The following RAPGEF5 variants were observed in gnomAD, a reference collection of about 807,000 sequenced individuals.
The protein encoded by RAPGEF5 is M-Ras-regulated GEF.
In RAPGEF5, 65 loss-of-function variants were observed where a neutral mutation model predicts 125.2. The ratio of observed to expected loss-of-function variants is 0.52; its 90% confidence interval spans 0.43 to 0.64. RAPGEF5 has a LOEUF of 0.64. Among genes scored for constraint, RAPGEF5 ranks in the 30% least tolerant of loss-of-function variants. RAPGEF5 has a pLI of 0.00. For synonymous variants in RAPGEF5, 391 were observed against 385.9 expected, an observed-to-expected ratio of 1.01 and a Z score of -0.16; for missense variants, 958 against 1,048.1, an observed-to-expected ratio of 0.91 and a Z score of 1.19.
chr7:22,230,973 A>G, intron 7 of RAPGEF5, 54 bp from the exon 8 acceptor site: 1 of 1,501,458 alleles, frequency 6.7e-7, no homozygotes, highest in South Asian at 1.2e-5. Flanking sequence ...AAAATGCTTC[A>G]GATAATTTTC....
chr7:22,338,451 T>C (rs992304145), intron 1 of RAPGEF5, among the ~76,000 whole-genome samples: 1 of 152,220 alleles, frequency 6.6e-6, no homozygotes, highest in Non-Finnish European at 1.5e-5. Flanking sequence ...ATTTGTAAAA[T>C]TTTATAAAAC....
chr7:22,281,708 C>A (rs1003548112), intron 6 of RAPGEF5, among the ~76,000 whole-genome samples: 2 of 152,180 alleles, frequency 1.3e-5, no homozygotes, highest in Non-Finnish European at 2.9e-5. Flanking sequence ...TTCAATGAAA[C>A]CAAGATAGCC....
chr7:22,344,093 C>T (rs777334020), intron 1 of RAPGEF5, among the ~76,000 whole-genome samples: 30 of 152,200 alleles, frequency 2.0e-4, no homozygotes, highest in Admixed American at 1.7e-3. Context: ...GGACCCTCTA[C>T]GGTGAAGCCC....
intron 12 of RAPGEF5, among the ~76,000 whole-genome samples, chr7:22,166,068 ACATATATATGTATCATATATATATATAT>A: frequency 6.8e-6 from 1 of 146,682 alleles, no homozygotes; most frequent in Non-Finnish European, 1.5e-5. Flanking sequence ...TATATTATAT[ACATATATATGTATCATATATATATATAT>A]CATATATATA....
intron 1 of RAPGEF5, among the ~76,000 whole-genome samples, chr7:22,349,540 A>C (rs1020250468): frequency 1.3e-5 from 2 of 152,170 alleles, no homozygotes; most frequent in African/African-American, 2.4e-5. Context: ...AAAATATTTA[A>C]GGTGATCAAT....
Position 22,336,069 on chromosome 7 carries a change from C to T in RAPGEF5, c.232-18032G>A, listed in dbSNP as rs192060284. On this transcript the variant is annotated intron_variant, in intron 1 of 25. Transcript: ENST00000665637. Reference sequence around the variant, plus strand: ...CCCTTCCTTCCCAACGCCCAGACTTCTTATTCCCAATGCCTCCATCTTAGA... The same window carrying T: ...CCCTTCCTTCCCAACGCCCAGACTTTTTATTCCCAATGCCTCCATCTTAGA... Among the ~76,000 whole-genome samples, 85 of 152,300 alleles carry T rather than the reference C, an allele frequency of 5.6e-4. No homozygotes were observed. The South Asian group carries it at 7.3e-3, about 13-fold the overall frequency.
intron 11 of RAPGEF5, among the ~76,000 whole-genome samples, chr7:22,174,302 G>A (rs1219442072): frequency 1.3e-5 from 2 of 152,188 alleles, no homozygotes; most frequent in African/African-American, 2.4e-5. Flanking sequence ...GCAAAGCAAC[G>A]GATGTGGGTG....
At chr7:22,251,044 T>C (rs796345165) in intron 7 of RAPGEF5, among the ~76,000 whole-genome samples, 76 of 152,266 alleles carry the variant, frequency 5.0e-4, no homozygotes, top group African/African-American at 1.8e-3. Context: ...GAATAGCATA[T>C]GGCAAGGATT....
chr7:22,275,694 A>G (rs1782539009), intron 6 of RAPGEF5, among the ~76,000 whole-genome samples: 1 of 149,034 alleles, frequency 6.7e-6, no homozygotes, highest in Admixed American at 6.7e-5. Context: ...AAAGAGAACA[A>G]GCATGTTCTC....
At chr7:22,136,594 G>C (rs1340251308) in intron 22 of RAPGEF5, among the ~76,000 whole-genome samples, 1 of 151,978 alleles carries the variant, frequency 6.6e-6, no homozygotes, top group Admixed American at 6.6e-5. Context: ...TTGTAAAAAG[G>C]AGAAAAGGGA....
intron 17 of RAPGEF5, 148 bp from the exon 18 acceptor site, chr7:22,150,652 G>T: frequency 8.7e-7 from 1 of 1,155,576 alleles, no homozygotes; most frequent in Non-Finnish European, 1.1e-6. Context: ...ATTAAGTTCT[G>T]CACACTCTAT....
intron 1 of RAPGEF5, among the ~76,000 whole-genome samples, chr7:22,330,648 G>A (rs1461418359): frequency 2.0e-5 from 3 of 152,132 alleles, no homozygotes; most frequent in Non-Finnish European, 4.4e-5. Context: ...AACAACATCT[G>A]AAGAAAACAA....
chr7:22,211,841 CCTT>C (rs1785513171), intron 9 of RAPGEF5, among the ~76,000 whole-genome samples: 1 of 152,266 alleles, frequency 6.6e-6, no homozygotes, highest in East Asian at 1.9e-4. Flanking sequence ...AGCTCCTGCA[CCTT>C]CTTCACCTGG....
rs558530064 is a variant in RAPGEF5 at position 22,243,502 on chromosome 7, C to T, written c.797-12583G>A. ...AACGCCTGACCTCAGGTGATCCACC[C>T]GTCTCGGCCTCCCAAAGTGCTAGGA... On this transcript the variant is annotated intron_variant, in intron 7 of 25. Transcript: ENST00000665637. Among the ~76,000 whole-genome samples the T allele has an allele frequency of 3.0e-4, 45 of 152,144 alleles. No individual in the cohort carries two copies. The Middle Eastern group carries it at 0.017, about 57-fold the overall frequency.
intron 8 of RAPGEF5, among the ~76,000 whole-genome samples, chr7:22,221,326 T>A (rs140738014): frequency 6.6e-6 from 1 of 152,222 alleles, no homozygotes; most frequent in Admixed American, 6.5e-5. Flanking sequence ...TAGACAAAAC[T>A]GAAACCATTT....
In RAPGEF5 at chr7:22,318,011, C is replaced by T. The variant is rs1272803328; in HGVS notation, c.258G>A (p.Pro86=). Reference sequence around the variant, plus strand: ...CCTGGGAAGGCGTATGTTCAAGGTACGGATTAGATATTCTTCTTGATAGAG... The same window carrying T: ...CCTGGGAAGGCGTATGTTCAAGGTATGGATTAGATATTCTTCTTGATAGAG... ...GRTLSRRISN[P]YLEHTPSQIY... is the part of the protein sequence containing the mutation. Residue 86 remains proline, a synonymous_variant, in exon 2 of 26, where the codon CCG becomes CCA. Coordinates refer to ENST00000665637, the MANE Select transcript of RAPGEF5 (RefSeq NM_012294.5). The T allele has an allele frequency of 5.2e-6, 8 of 1,544,218 alleles. No individual in the cohort carries two copies. The highest frequency in any genetic ancestry group is 4.9e-5 in the East Asian group (2 of 40,722).
intron 1 of RAPGEF5, chr7:22,356,497 T>C (rs564132516): frequency 1.9e-5 from 3 of 157,092 alleles, no homozygotes; most frequent in South Asian, 2.1e-4. Flanking sequence ...TGGCTGGCTG[T>C]TGGACGCTGG....
chr7:22,175,957 C>CT (rs1347972549), intron 11 of RAPGEF5, among the ~76,000 whole-genome samples: 2 of 151,928 alleles, frequency 1.3e-5, no homozygotes, highest in Non-Finnish European at 2.9e-5. Flanking sequence ...ATTGTATTTA[C>CT]TTTTTTTTCA....
At chr7:22,285,666 G>GGA (rs1782780056) in intron 6 of RAPGEF5, among the ~76,000 whole-genome samples, 1 of 152,172 alleles carries the variant, frequency 6.6e-6, no homozygotes, top group Non-Finnish European at 1.5e-5. Context: ...AAGAAAGGCT[G>GGA]TAGATAGAGT....
Sources: allele counts gnomAD v4.1 joint callset (sites outside exome capture counted in the v4.1 genomes callset), GRCh38; gene constraint gnomAD v4.1.1; transcripts MANE v1.5; gene names NCBI Gene and HGNC (gene_info 2026-07-23, HGNC 2026-07-21).